FOXP1: variants seen among roughly 807,000 people sequenced by gnomAD.
The protein encoded by FOXP1 is forkhead box protein P1.
In FOXP1, 15 loss-of-function variants were observed where a neutral mutation model predicts 98.2. The observed-to-expected ratio is 0.15, with a 90% confidence interval of 0.10 to 0.24. The LOEUF (loss-of-function observed/expected upper bound fraction) is 0.24, where lower values mean the gene tolerates loss of function less well. Among genes scored for constraint, FOXP1 ranks in the 10% least tolerant of loss-of-function variants. FOXP1 has a pLI of 1.00. For synonymous variants in FOXP1, 371 were observed against 314.5 expected, an observed-to-expected ratio of 1.18 and a Z score of -1.90; for missense variants, 633 against 848.5, an observed-to-expected ratio of 0.75 and a Z score of 3.15.
intron 2 of FOXP1, among the ~76,000 whole-genome samples, chr3:71,560,363 G>A (rs2046444881): frequency 6.6e-6 from 1 of 152,144 alleles, no homozygotes; most frequent in Non-Finnish European, 1.5e-5. Context: ...CTGGAAGCAA[G>A]TCATTAATAC....
chr3:71,018,357 T>C (rs2044835497), intron 11 of FOXP1, among the ~76,000 whole-genome samples: 2 of 152,164 alleles, frequency 1.3e-5, no homozygotes, highest in Non-Finnish European at 2.9e-5. Context: ...ACGGGTACAA[T>C]TACACATTCA....
chr3:71,228,825 T>C (rs892350232), intron 5 of FOXP1, among the ~76,000 whole-genome samples: 1 of 152,186 alleles, frequency 6.6e-6, no homozygotes, highest in African/African-American at 2.4e-5. Flanking sequence ...ATATTCTTTA[T>C]GGTACAAAAT....
chr3:71,439,950 GAAAA>G (rs34186820), intron 3 of FOXP1, among the ~76,000 whole-genome samples: 2 of 133,004 alleles, frequency 1.5e-5, no homozygotes, highest in Admixed American at 7.7e-5. Context: ...TCTGTCTCAG[GAAAA>G]AAAAAAAAAA....
chr3:71,223,681 G>C (rs183824529), intron 5 of FOXP1, among the ~76,000 whole-genome samples: 1 of 137,332 alleles, frequency 7.3e-6, no homozygotes, highest in South Asian at 2.4e-4. Context: ...GTGACAGAGC[G>C]AGACTACGTC....
At position 71,581,537 on chromosome 3, in the gene FOXP1, G is replaced by A. The variant is rs1312134334; in HGVS notation, c.-298+12C>T. 4.1e-6 allele frequency: 4 copies of A among 985,314 alleles called. No homozygotes were observed. Among genetic ancestry groups the A allele is most frequent in the Non-Finnish European group, 4.8e-6 (4 of 829,962 alleles). The allele number at this position is 985,314 out of a possible 1,614,324, so 61.0% of individuals were successfully genotyped here. A position where few individuals can be genotyped will look rare whatever the true frequency, so the allele number is the denominator to read the frequency against. Reference sequence around the variant, plus strand: ...GTCCCTGGACCCCGCGCCCGCGGCCGCCTCGACTTACCCGCGGAGTCCGGG... The same window carrying A: ...GTCCCTGGACCCCGCGCCCGCGGCCACCTCGACTTACCCGCGGAGTCCGGG... On this transcript the variant is annotated intron_variant, in intron 2 of 20. Transcript: ENST00000649528.
At chr3:71,319,994 C>T (rs750752602) in intron 4 of FOXP1, among the ~76,000 whole-genome samples, 1 of 152,162 alleles carries the variant, frequency 6.6e-6, no homozygotes, top group East Asian at 1.9e-4. Flanking sequence ...TGCCGGCCCA[C>T]ACAAGGGTGC....
At chr3:71,499,496 C>G (rs557244904) in intron 2 of FOXP1, among the ~76,000 whole-genome samples, 1 of 152,272 alleles carries the variant, frequency 6.6e-6, no homozygotes, top group East Asian at 1.9e-4. Context: ...ATATATACAT[C>G]TTCATAATTG....
chr3:71,158,147 AGGAG>A (rs2060936574), intron 6 of FOXP1, among the ~76,000 whole-genome samples: 1 of 20,778 alleles, frequency 4.8e-5, no homozygotes, highest in African/African-American at 1.3e-4. Context: ...GAGGCAGGGA[AGGAG>A]GGAGGGAGGC....
At chr3:70,963,617 TCTC>T (rs1482703188) in intron 20 of FOXP1, among the ~76,000 whole-genome samples, 3 of 152,172 alleles carry the variant, frequency 2.0e-5, no homozygotes, top group Non-Finnish European at 4.4e-5. Flanking sequence ...ACATTTCCCT[TCTC>T]CTTACATCTG....
intron 3 of FOXP1, among the ~76,000 whole-genome samples, chr3:71,477,221 T>C (rs2089925925): frequency 6.6e-6 from 1 of 152,092 alleles, no homozygotes; most frequent in Non-Finnish European, 1.5e-5. Flanking sequence ...CCCAACCACC[T>C]AGCAAGTAGA....
rs753098583 is a variant in FOXP1, at chr3:70,965,910, G to A, written c.1869C>T (p.Gly623=). 1.9e-6 allele frequency: 3 copies of A among 1,614,056 alleles called. No homozygotes were observed. In the South Asian group the frequency reaches 3.3e-5, roughly 18 times the overall value. Residue 623 remains glycine, a synonymous_variant, in exon 20 of 21, where the codon GGC becomes GGT. Coordinates refer to ENST00000649528, the MANE Select transcript of FOXP1 (RefSeq NM_001349338.3). ...TNSNESDSSP[G]RSPMQAVHPV... ...CTCACACGGCTTGCATAGGAGATCTGCCTGGACTGCTGTCACTCTCGTTGC... is the reference window on the plus strand; with the variant it reads ...CTCACACGGCTTGCATAGGAGATCTACCTGGACTGCTGTCACTCTCGTTGC...
At chr3:71,544,078 TG>T (rs1250937985) in intron 2 of FOXP1, among the ~76,000 whole-genome samples, 4 of 151,786 alleles carry the variant, frequency 2.6e-5, no homozygotes, top group Non-Finnish European at 5.9e-5. Flanking sequence ...CACACATATA[TG>T]TGTGTATTTC....
intron 4 of FOXP1, among the ~76,000 whole-genome samples, chr3:71,323,623 C>T (rs1483561859): frequency 3.9e-5 from 6 of 152,044 alleles, no homozygotes; most frequent in Non-Finnish European, 8.8e-5. Context: ...CTGCATTCTA[C>T]GGAGCACCTC....
At chr3:71,230,120 G>T (rs931354820) in intron 5 of FOXP1, among the ~76,000 whole-genome samples, 3 of 151,886 alleles carry the variant, frequency 2.0e-5, no homozygotes, top group Admixed American at 6.6e-5. Flanking sequence ...CCACTGGGGA[G>T]GGGTGGGTGG....
chr3:71,176,319 T>C (rs930361287), intron 6 of FOXP1, among the ~76,000 whole-genome samples: 13 of 152,172 alleles, frequency 8.5e-5, no homozygotes, highest in Admixed American at 5.9e-4. Context: ...TTCAGTTGTC[T>C]ATAAAATACC....
chr3:71,583,447 TTC>T (rs1340660288), intron 1 of FOXP1, 122 bp downstream of exon 1: 5 of 978,800 alleles, frequency 5.1e-6, no homozygotes, highest in African/African-American at 1.8e-5. Context: ...TCCATTTTTT[TTC>T]TCTTTTTCTT....
chr3:71,405,734 A>AT (rs2082271328), intron 3 of FOXP1, among the ~76,000 whole-genome samples: 2 of 150,878 alleles, frequency 1.3e-5, no homozygotes, highest in South Asian at 2.1e-4. Context: ...TTATTTATTT[A>AT]TTTATTTTTT....
intron 7 of FOXP1, chr3:71,065,684 C>T (rs1284090112): frequency 6.6e-6 from 1 of 152,180 alleles, no homozygotes; most frequent in African/African-American, 2.4e-5. Flanking sequence ...AAAGCATCTG[C>T]CACACGTTTG....
intron 9 of FOXP1, among the ~76,000 whole-genome samples, chr3:71,049,198 T>C (rs2049480762): frequency 6.6e-6 from 1 of 152,128 alleles, no homozygotes; most frequent in Non-Finnish European, 1.5e-5. Flanking sequence ...ATCCCCTCCC[T>C]AGAGCTGCAG....
Sources: gnomAD v4.1 joint callset for allele counts (sites outside exome capture counted in the v4.1 genomes callset) on GRCh38, gnomAD v4.1.1 for gene constraint, MANE v1.5 for transcripts, NCBI Gene and HGNC (gene_info 2026-07-23, HGNC 2026-07-21) for gene names.